KCNN3: variants seen among roughly 807,000 people sequenced by gnomAD.
The protein encoded by KCNN3 is small conductance calcium-activated potassium channel protein 3.
A neutral mutation model predicts 62.9 loss-of-function variants in KCNN3; 16 were observed. The ratio of observed to expected loss-of-function variants is 0.25; its 90% CI spans 0.17 to 0.39. The LOEUF is 0.39. Among genes scored for constraint, KCNN3 ranks in the 10% least tolerant of loss-of-function variants. KCNN3 has a pLI of 1.00. For synonymous variants in KCNN3, 370 were observed against 389.2 expected (o/e 0.95, Z 0.58); for missense variants, 599 against 949.4 (o/e 0.63, Z 4.85).
rs564913739 is a variant in KCNN3, at chr1:154,844,099, A to T, written c.934-21915T>A. ...GGGACTCCACCCAAGGGAGCAAATG[A>T]ATGTCCCCCGTTACACACAGATCTG... On this transcript the variant is annotated intron_variant, in intron 1 of 7. Transcript: ENST00000271915. 3.3e-5 allele frequency among the ~76,000 whole-genome samples: 5 copies of T among 152,272 alleles called. No homozygotes were observed. The East Asian group carries it at 9.7e-4, about 29-fold the overall frequency.
intron 5 of KCNN3, among the ~76,000 whole-genome samples, chr1:154,717,661 C>A: frequency 6.6e-6 from 1 of 151,698 alleles, no homozygotes. Flanking sequence ...AGTCACAGCA[C>A]GGCCCGGGTA....
chr1:154,766,607 T>C (rs1648301457), intron 3 of KCNN3, among the ~76,000 whole-genome samples: 1 of 149,360 alleles, frequency 6.7e-6, no homozygotes, highest in Non-Finnish European at 1.5e-5. Flanking sequence ...GGGTTTAGCT[T>C]GCAGGCTTCC....
At chr1:154,762,964 T>TATTTCAGTGTTTTCCATTAGGTTTC (rs935658777) in intron 3 of KCNN3, among the ~76,000 whole-genome samples, 2 of 152,212 alleles carry the variant, frequency 1.3e-5, no homozygotes, top group Admixed American at 1.3e-4. Context: ...TAGTAGGGTT[T>TATTTCAGTGTTTTCCATTAGGTTTC]ATTTCAGTGT....
rs771529884 is a variant in KCNN3 at position 154,869,887 on chromosome 1, A to G, written c.78T>C (p.Ser26=). The G allele has an allele frequency of 6.2e-7, 1 of 1,606,780 alleles. No homozygotes were observed. Among genetic ancestry groups the G allele is most frequent in the Non-Finnish European group, 8.5e-7 (1 of 1,176,640 alleles). The part of the protein sequence containing the change: ...DEDPKCPCPS[S]GDEQQQQQQQ... ...GCTGCTGCTGCTGCTGCTCATCCCC[A>G]GAGGATGGACAGGGGCACTTGGGGT... The change falls in exon 1 of 8, where the codon TCT becomes TCC. Residue 26 remains serine, a synonymous_variant. Transcript: ENST00000271915. This position sits in a 1 kb window ranked among gnomAD's most constrained non-coding sequence, Gnocchi z 6.1.
chr1:154,834,646 G>A (rs1169626839), intron 1 of KCNN3, among the ~76,000 whole-genome samples: 1 of 152,138 alleles, frequency 6.6e-6, no homozygotes, highest in Admixed American at 6.5e-5. Flanking sequence ...GACTTACTGA[G>A]TACCTGTTAT....
chr1:154,831,314 G>A (rs1324380270), intron 1 of KCNN3, among the ~76,000 whole-genome samples: 1 of 152,190 alleles, frequency 6.6e-6, no homozygotes, highest in Non-Finnish European at 1.5e-5. Flanking sequence ...GAGCAGAAGG[G>A]TTTGTAACTC....
At chr1:154,853,429 G>A (rs1189611600) in intron 1 of KCNN3, among the ~76,000 whole-genome samples, 3 of 152,146 alleles carry the variant, frequency 2.0e-5, no homozygotes, top group Non-Finnish European at 2.9e-5. Context: ...TTGACCTCCT[G>A]GGCTCAAGCG....
chr1:154,869,615 G>C lies in KCNN3; in HGVS notation c.350C>G (p.Thr117Ser). ...CCTGGAGGAAGGGTGGAGGATGGCG[G>C]TGGAGTTGGACGAAGGGGGGGCCCT... ...AFRAPPSSNS[T>S]AILHPSSRQG... Residue 117 changes from threonine (T) to serine (S), a missense_variant, in exon 1 of 8, where the codon ACC (threonine) becomes AGC (serine). Physicochemically the swap from Thr to Ser is moderately conservative, Grantham distance 58. Transcript: ENST00000271915. This position sits in a 1 kb window ranked among gnomAD's most constrained non-coding sequence, Gnocchi z 6.1. 6.2e-7 allele frequency: 1 copy of C among 1,614,086 alleles called. No individual in the cohort carries two copies. The highest frequency in any genetic ancestry group is 8.5e-7 in the Non-Finnish European group (1 of 1,179,990).
chr1:154,779,164 C>G (rs1648919953), intron 2 of KCNN3, among the ~76,000 whole-genome samples: 1 of 152,098 alleles, frequency 6.6e-6, no homozygotes. Flanking sequence ...CAAGCTGAGC[C>G]CAGCCCAAAT....
At position 154,869,345 on chromosome 1, in the gene KCNN3, G is replaced by A. The variant is rs778285818; in HGVS notation, c.620C>T (p.Pro207Leu). Residue 207 changes from proline (P) to leucine (L), a missense_variant, in exon 1 of 8, where the codon CCC becomes CTC. By Grantham distance (98) the Pro-to-Leu change is moderately conservative. Coordinates refer to ENST00000271915, the MANE Select transcript of KCNN3 (RefSeq NM_002249.6). The surrounding 1 kb of genome is among the most constrained non-coding windows in gnomAD (Gnocchi z 6.1). ...GTTGCTAGGGCTGAAAAGCTGGAGGGGTTGGCCCTCAGTCTCGGCCTCGAT... is the reference window on the plus strand; with the variant it reads ...GTTGCTAGGGCTGAAAAGCTGGAGGAGTTGGCCCTCAGTCTCGGCCTCGAT... ...NLIEAETEGQ[P>L]LQLFSPSNPP... 8.1e-6 allele frequency: 13 copies of A among 1,613,884 alleles called. No individual in the cohort carries two copies. In the East Asian group the frequency reaches 2.2e-4, roughly 28 times the overall value.
intron 1 of KCNN3, among the ~76,000 whole-genome samples, chr1:154,848,709 C>A (rs117805767): frequency 6.6e-6 from 1 of 152,310 alleles, no homozygotes; most frequent in East Asian, 1.9e-4. Context: ...CGGCTCAGAA[C>A]ACGCATTCCC....
chr1:154,815,307 C>T (rs755800345), intron 2 of KCNN3, among the ~76,000 whole-genome samples: 2 of 152,242 alleles, frequency 1.3e-5, no homozygotes, highest in Non-Finnish European at 2.9e-5. Flanking sequence ...CTTCGGAGGA[C>T]AGGCACAGCT....
At chr1:154,766,840 C>T (rs1374487471) in intron 3 of KCNN3, among the ~76,000 whole-genome samples, 6 of 152,026 alleles carry the variant, frequency 3.9e-5, no homozygotes, top group East Asian at 1.9e-4. Context: ...CCACCATGCC[C>T]GGCTAATTTT....
chr1:154,787,216 C>T (rs2101857648), intron 2 of KCNN3, among the ~76,000 whole-genome samples: 1 of 152,388 alleles, frequency 6.6e-6, no homozygotes, highest in Middle Eastern at 3.4e-3. Flanking sequence ...CAGTGGCCCA[C>T]TCCGCTCCCC....
chr1:154,792,434 T>C (rs986203984), intron 2 of KCNN3, among the ~76,000 whole-genome samples: 4 of 152,250 alleles, frequency 2.6e-5, no homozygotes, highest in Non-Finnish European at 5.9e-5. Flanking sequence ...CTATAGAAGA[T>C]GTTTACAGGA....
At chr1:154,864,503 C>A (rs1473143715) in intron 1 of KCNN3, among the ~76,000 whole-genome samples, 4 of 152,246 alleles carry the variant, frequency 2.6e-5, no homozygotes, top group African/African-American at 7.2e-5. Flanking sequence ...ACTCAGGGAC[C>A]TCTGTGAGGT....
chr1:154,869,179 T>C lies in KCNN3; in HGVS notation c.786A>G (p.Lys262=). 6.2e-7 allele frequency: 1 copy of C among 1,614,156 alleles called. No homozygotes were observed. Among genetic ancestry groups the C allele is most frequent in the Non-Finnish European group, 8.5e-7 (1 of 1,180,016 alleles). ...CCAGCTTATAGCCAATGTTTTGGTT[T>C]TTCCGCTTGTTGGCTTTGGGGAAGG... is the stretch of plus-strand genomic sequence containing the variant. ...STTFPKANKR[K]NQNIGYKLGH... is the part of the protein sequence containing the mutation. Residue 262 remains lysine (K), a synonymous_variant, in exon 1 of 8, where the codon AAA becomes AAG. Transcript: ENST00000271915. This position sits in a 1 kb window ranked among gnomAD's most constrained non-coding sequence, Gnocchi z 6.1.
rs144974932 is a variant in KCNN3 at position 154,724,014 on chromosome 1, T to C, written c.1701+1902A>G. 3.1e-3 allele frequency among the ~76,000 whole-genome samples: 468 copies of C among 152,344 alleles called. 4 individuals carry two copies. Among genetic ancestry groups the C allele is most frequent in the Non-Finnish European group, 5.4e-3 (369 of 68,028 alleles). On this transcript the variant is annotated intron_variant, in intron 5 of 7. Transcript: ENST00000271915. ...CGTGATGTGACAAATCATGGCTTTTTTTGGTGCAGCTGATAGCTCAGGGCC... is the reference window on the plus strand; with the variant it reads ...CGTGATGTGACAAATCATGGCTTTTCTTGGTGCAGCTGATAGCTCAGGGCC...
intron 1 of KCNN3, chr1:154,868,315 T>C (rs927671300): frequency 1.0e-6 from 1 of 986,062 alleles, no homozygotes; most frequent in Non-Finnish European, 1.2e-6. Flanking sequence ...TTATTCTGAG[T>C]CCTCTCTCCT....
Sources: allele counts gnomAD v4.1 joint callset (sites outside exome capture counted in the v4.1 genomes callset), GRCh38; gene constraint gnomAD v4.1.1; non-coding constraint Gnocchi (gnomAD v3.1); transcripts MANE v1.5; gene names NCBI Gene and HGNC (gene_info 2026-07-23, HGNC 2026-07-21).